ROR1: variants seen among roughly 807,000 people sequenced by gnomAD.
ROR1 encodes the protein inactive tyrosine-protein kinase transmembrane receptor ROR1.
Under a neutral mutation model 78.8 loss-of-function variants are expected in ROR1, and 19 were observed. The ratio of observed to expected loss-of-function variants is 0.24; its 90% CI spans 0.17 to 0.35. The LOEUF is 0.35. Ranked by LOEUF, ROR1 falls within the 10% of genes least tolerant of loss-of-function variation. ROR1 has a pLI of 1.00. For synonymous variants in ROR1, 386 were observed against 433.6 expected (o/e 0.89, Z 1.36); for missense variants, 917 against 1,177.8 (o/e 0.78, Z 3.24).
intron 1 of ROR1, among the ~76,000 whole-genome samples, chr1:63,814,537 C>CA (rs1319676994): frequency 6.6e-6 from 1 of 151,796 alleles, no homozygotes; most frequent in Non-Finnish European, 1.5e-5. Context: ...ATATAACTCA[C>CA]AATAATGTAG....
intron 1 of ROR1, among the ~76,000 whole-genome samples, chr1:63,801,086 AT>A (rs1303858363): frequency 6.7e-6 from 1 of 150,030 alleles, no homozygotes; most frequent in African/African-American, 2.5e-5. Context: ...TAGATGGTTT[AT>A]TTATTTATTA....
chr1:64,012,287 ATT>A (rs1646482200), intron 2 of ROR1, among the ~76,000 whole-genome samples: 1 of 152,166 alleles, frequency 6.6e-6, no homozygotes, highest in African/African-American at 2.4e-5. Flanking sequence ...AATAAGGAAA[ATT>A]CTGCTGAGGA....
intron 1 of ROR1, among the ~76,000 whole-genome samples, chr1:63,941,422 C>T (rs774624401): frequency 6.6e-6 from 1 of 152,022 alleles, no homozygotes; most frequent in Non-Finnish European, 1.5e-5. Flanking sequence ...ATTACTCTGG[C>T]GTTGTCTGGA....
At chr1:63,946,893 G>A (rs757476216) in intron 1 of ROR1, among the ~76,000 whole-genome samples, 8 of 152,140 alleles carry the variant, frequency 5.3e-5, no homozygotes, top group African/African-American at 1.4e-4. Flanking sequence ...GGCTCCTAAC[G>A]GAGGGAGTAA....
chr1:64,095,739 C>T (rs1243967793), intron 4 of ROR1, among the ~76,000 whole-genome samples: 1 of 152,136 alleles, frequency 6.6e-6, no homozygotes, highest in Non-Finnish European at 1.5e-5. Context: ...AACTTACTTC[C>T]TCTAGGTCAT....
chr1:63,827,866 G>A (rs1469002270), intron 1 of ROR1, among the ~76,000 whole-genome samples: 1 of 152,160 alleles, frequency 6.6e-6, no homozygotes, highest in Admixed American at 6.5e-5. Context: ...TCTGCACCTA[G>A]AGAACACAGA....
At chr1:64,014,081 G>A (rs1037317317) in intron 2 of ROR1, among the ~76,000 whole-genome samples, 2 of 152,224 alleles carry the variant, frequency 1.3e-5, no homozygotes, top group African/African-American at 4.8e-5. Flanking sequence ...AGGCCTCAGG[G>A]CCAGGTCCAA....
intron 2 of ROR1, among the ~76,000 whole-genome samples, chr1:64,039,393 AT>A (rs1447960518): frequency 6.6e-6 from 1 of 152,152 alleles, no homozygotes; most frequent in Non-Finnish European, 1.5e-5. Context: ...AGGAATAGAA[AT>A]TCATGGGCCA....
intron 1 of ROR1, among the ~76,000 whole-genome samples, chr1:63,974,728 C>T (rs1279666852): frequency 6.6e-6 from 1 of 152,120 alleles, no homozygotes; most frequent in East Asian, 1.9e-4. Flanking sequence ...ACCGCACACT[C>T]CTGGGCTCAA....
intron 1 of ROR1, among the ~76,000 whole-genome samples, chr1:63,930,865 G>A (rs993982777): frequency 6.6e-6 from 1 of 152,172 alleles, no homozygotes; most frequent in African/African-American, 2.4e-5. Flanking sequence ...AACTATGGCA[G>A]GGATGTAGGT....
intron 1 of ROR1, among the ~76,000 whole-genome samples, chr1:63,922,294 G>T (rs1049090908): frequency 6.6e-6 from 1 of 152,220 alleles, no homozygotes; most frequent in Non-Finnish European, 1.5e-5. Context: ...CAATTTCATA[G>T]ATGAGGCACC....
intron 1 of ROR1, among the ~76,000 whole-genome samples, chr1:63,913,138 A>T (rs1337282446): frequency 6.6e-6 from 1 of 152,142 alleles, no homozygotes; most frequent in Admixed American, 6.6e-5. Flanking sequence ...TATGCTTGAT[A>T]AAGGGTATAG....
At chr1:63,914,671 A>T (rs1297897801) in intron 1 of ROR1, among the ~76,000 whole-genome samples, 1 of 152,170 alleles carries the variant, frequency 6.6e-6, no homozygotes, top group Non-Finnish European at 1.5e-5. Flanking sequence ...TTTTGTGTAC[A>T]CATGACCGTT....
chr1:64,126,830 G>T (rs1648727743), intron 4 of ROR1, among the ~76,000 whole-genome samples: 1 of 152,158 alleles, frequency 6.6e-6, no homozygotes. Flanking sequence ...AACAGTCCTT[G>T]TTGGATGGAG....
intron 1 of ROR1, among the ~76,000 whole-genome samples, chr1:63,989,218 C>G (rs1354539034): frequency 7.1e-6 from 1 of 140,200 alleles, no homozygotes. Flanking sequence ...TGGACTTTGG[C>G]TTTGAAACCT....
chr1:63,884,044 A>G (rs1007721474), intron 1 of ROR1, among the ~76,000 whole-genome samples: 1 of 152,232 alleles, frequency 6.6e-6, no homozygotes, highest in East Asian at 1.9e-4. Context: ...TGAAAGGAAC[A>G]TCACAGGTTT....
At chr1:64,098,233 G>A (rs1333302948) in intron 4 of ROR1, among the ~76,000 whole-genome samples, 2 of 152,146 alleles carry the variant, frequency 1.3e-5, no homozygotes, top group African/African-American at 4.8e-5. Flanking sequence ...CTTATCACAA[G>A]TATTTGTGCT....
intron 4 of ROR1, among the ~76,000 whole-genome samples, chr1:64,107,853 T>C (rs1190702294): frequency 6.6e-6 from 1 of 152,150 alleles, no homozygotes; most frequent in Non-Finnish European, 1.5e-5. Flanking sequence ...TAGGGTAGAA[T>C]AAGAGCATAT....
intron 1 of ROR1, among the ~76,000 whole-genome samples, chr1:63,954,214 T>A (rs556910748): frequency 2.6e-5 from 4 of 152,220 alleles, no homozygotes; most frequent in Non-Finnish European, 5.9e-5. Flanking sequence ...CTCATTTGAA[T>A]GGGCCAAGGT....
Sources: gnomAD v4.1 joint callset for allele counts (sites outside exome capture counted in the v4.1 genomes callset) on GRCh38, gnomAD v4.1.1 for gene constraint, MANE v1.5 for transcripts, NCBI Gene and HGNC (gene_info 2026-07-23, HGNC 2026-07-21) for gene names.